The following AKAP19 variants were observed in gnomAD, a reference collection of about 807,000 sequenced individuals.
AKAP19 encodes small A-kinase anchoring protein.
chr2:190,125,449 A>G, the AKAP19 span, among the ~76,000 whole-genome samples: 1 of 152,076 alleles, frequency 6.6e-6, no homozygotes, highest in Admixed American at 6.6e-5. Context: ...ACTGTTTTGG[A>G]TCTCCATTGG....
chr2:189,970,773 CA>C, the AKAP19 span, among the ~76,000 whole-genome samples: 1 of 152,190 alleles, frequency 6.6e-6, no homozygotes, highest in Non-Finnish European at 1.5e-5. Context: ...AATGTTGCCA[CA>C]GTATTTGTAG....
the AKAP19 span, among the ~76,000 whole-genome samples, chr2:190,182,232 C>T: frequency 8.5e-5 from 13 of 152,182 alleles, no homozygotes; most frequent in African/African-American, 3.1e-4. Flanking sequence ...AACTGACAAT[C>T]ACTTAGGAAG....
At chr2:190,168,430 C>T in the AKAP19 span, among the ~76,000 whole-genome samples, 1 of 152,126 alleles carries the variant, frequency 6.6e-6, no homozygotes, top group Non-Finnish European at 1.5e-5. Context: ...ACCGCCCTCC[C>T]CACTCTGTTG....
chr2:190,066,199 G>T, the AKAP19 span, among the ~76,000 whole-genome samples: 1 of 152,076 alleles, frequency 6.6e-6, no homozygotes, highest in East Asian at 1.9e-4. Flanking sequence ...ACTGTTGTGG[G>T]CCTCACATTT....
chr2:190,136,615 C>G, the AKAP19 span, among the ~76,000 whole-genome samples: 1 of 152,148 alleles, frequency 6.6e-6, no homozygotes, highest in Non-Finnish European at 1.5e-5. Flanking sequence ...GAACAGCTGC[C>G]TTCAGCTATT....
At chr2:190,110,220 A>G in the AKAP19 span, among the ~76,000 whole-genome samples, 1 of 152,220 alleles carries the variant, frequency 6.6e-6, no homozygotes, top group Non-Finnish European at 1.5e-5. Context: ...GTGAGGGTAT[A>G]TTTAGCCAAG....
At chr2:190,020,402 C>T in the AKAP19 span, among the ~76,000 whole-genome samples, 1 of 151,950 alleles carries the variant, frequency 6.6e-6, no homozygotes, top group Non-Finnish European at 1.5e-5. Flanking sequence ...TTATAATATA[C>T]CTAAATTATA....
the AKAP19 span, among the ~76,000 whole-genome samples, chr2:190,027,790 T>C: frequency 6.6e-6 from 1 of 152,208 alleles, no homozygotes; most frequent in African/African-American, 2.4e-5. Context: ...GGACTATAAG[T>C]ATATGGTAGC....
chr2:190,004,170 G>A, the AKAP19 span, among the ~76,000 whole-genome samples: 1 of 151,952 alleles, frequency 6.6e-6, no homozygotes, highest in Non-Finnish European at 1.5e-5. Flanking sequence ...TATACCTAAT[G>A]CTAAATGACG....
the AKAP19 span, among the ~76,000 whole-genome samples, chr2:190,105,724 C>A: frequency 6.6e-6 from 1 of 152,330 alleles, no homozygotes; most frequent in Admixed American, 6.5e-5. Flanking sequence ...CTCAGCTCAG[C>A]CCTCAGGGCT....
the AKAP19 span, among the ~76,000 whole-genome samples, chr2:190,147,699 G>A: frequency 0.25 from 38,488 of 151,232 alleles, 5,178 homozygotes; most frequent in Admixed American, 0.36. Context: ...AGTTCTCCTT[G>A]TAGAGGTCTT....
At chr2:189,954,125 ATCAGGTATT>A in the AKAP19 span, among the ~76,000 whole-genome samples, 1 of 152,200 alleles carries the variant, frequency 6.6e-6, no homozygotes, top group Non-Finnish European at 1.5e-5. Context: ...TACAATCCAG[ATCAGGTATT>A]TCTCAAAGAA....
the AKAP19 span, among the ~76,000 whole-genome samples, chr2:189,959,334 C>T: frequency 6.6e-6 from 1 of 152,050 alleles, no homozygotes; most frequent in Admixed American, 6.6e-5. Context: ...AGTTAGATAA[C>T]CAACTGCTAT....
At chr2:190,197,054 C>T in the AKAP19 span, among the ~76,000 whole-genome samples, 1 of 152,242 alleles carries the variant, frequency 6.6e-6, no homozygotes, top group Non-Finnish European at 1.5e-5. This position sits in a 1 kb window ranked among gnomAD's most constrained non-coding sequence, Gnocchi z 4.0. Flanking sequence ...CCTCACATGT[C>T]AGTAGGGGCA....
the AKAP19 span, among the ~76,000 whole-genome samples, chr2:189,890,575 A>G: frequency 2.0e-5 from 3 of 152,192 alleles, no homozygotes; most frequent in Admixed American, 1.3e-4. Context: ...TAAGTCTCTA[A>G]GAACTTGCTT....
chr2:189,984,899 G>T, the AKAP19 span, among the ~76,000 whole-genome samples: 7 of 151,980 alleles, frequency 4.6e-5, no homozygotes, highest in Admixed American at 4.6e-4. Flanking sequence ...AAGGGCAGAG[G>T]CCCACCAAGA....
At chr2:190,057,178 G>T in the AKAP19 span, 1 of 1,496,124 alleles carries the variant, frequency 6.7e-7, no homozygotes, top group Non-Finnish European at 9.3e-7. Flanking sequence ...ATAGCCTGTG[G>T]TACTTAATTT....
chr2:190,175,006 G>A, the AKAP19 span, among the ~76,000 whole-genome samples: 55,566 of 151,812 alleles, frequency 0.37, 12,606 homozygotes, highest in African/African-American at 0.64. Context: ...TAGATTACAT[G>A]GAGTACATAG....
At chr2:189,944,198 C>T in the AKAP19 span, among the ~76,000 whole-genome samples, 4 of 152,058 alleles carry the variant, frequency 2.6e-5, no homozygotes, top group South Asian at 2.1e-4. Context: ...AATGCTGGAG[C>T]GGGGGCCTGG....
Sources: allele counts gnomAD v4.1 joint callset (sites outside exome capture counted in the v4.1 genomes callset), GRCh38; gene constraint gnomAD v4.1.1; non-coding constraint Gnocchi (gnomAD v3.1); transcripts MANE v1.5; gene names NCBI Gene and HGNC (gene_info 2026-07-23, HGNC 2026-07-21).